The following PDE4D variants were observed in gnomAD, a reference collection of about 807,000 sequenced individuals.
The protein encoded by PDE4D is 3',5'-cyclic-AMP phosphodiesterase 4D.
PDE4D carries 24 observed loss-of-function variants against 87.4 expected under a neutral mutation model. The observed-to-expected ratio is 0.27, with a 90% confidence interval of 0.20 to 0.39. The LOEUF is 0.39. PDE4D is among the 10% of genes least tolerant of loss of function. The pLI is 1.00. For synonymous variants in PDE4D, 384 were observed against 383.2 expected, an observed-to-expected ratio of 1.00 and a Z score of -0.02; for missense variants, 714 against 1,041.0, an observed-to-expected ratio of 0.69 and a Z score of 4.32.
At chr5:60,191,844 T>C (rs1195729540) in intron 1 of PDE4D, among the ~76,000 whole-genome samples, 1 of 151,254 alleles carries the variant, frequency 6.6e-6, no homozygotes, top group Non-Finnish European at 1.5e-5. Context: ...TAAAAAAAAA[T>C]ACAAAAATTA....
chr5:59,532,776 C>T (rs1040294395), intron 1 of PDE4D, among the ~76,000 whole-genome samples: 2 of 152,108 alleles, frequency 1.3e-5, no homozygotes, highest in African/African-American at 4.8e-5. Context: ...ATGGCAGTAG[C>T]CTTCTTTGGT....
intron 1 of PDE4D, among the ~76,000 whole-genome samples, chr5:60,202,706 T>C (rs1342448497): frequency 8.6e-5 from 13 of 151,652 alleles, no homozygotes; most frequent in African/African-American, 2.9e-4. Flanking sequence ...AAATCAACCA[T>C]GCGAGAAAAC....
intron 1 of PDE4D, among the ~76,000 whole-genome samples, chr5:59,507,227 G>A (rs1336525573): frequency 6.6e-6 from 1 of 152,110 alleles, no homozygotes; most frequent in African/African-American, 2.4e-5. Context: ...AACTACTTAG[G>A]AGGCTGAGGC....
At chr5:59,614,089 T>C (rs1829356692) in intron 1 of PDE4D, among the ~76,000 whole-genome samples, 1 of 152,190 alleles carries the variant, frequency 6.6e-6, no homozygotes, top group South Asian at 2.1e-4. Context: ...CCATATATTA[T>C]ATAAGTTGAA....
chr5:59,357,479 C>T (rs186178200), intron 1 of PDE4D, among the ~76,000 whole-genome samples: 2 of 152,216 alleles, frequency 1.3e-5, no homozygotes, highest in Non-Finnish European at 2.9e-5. Flanking sequence ...CAGCGCCTCT[C>T]TAAAAGTCAG....
At chr5:59,462,010 T>C (rs954205831) in intron 1 of PDE4D, among the ~76,000 whole-genome samples, 1 of 152,174 alleles carries the variant, frequency 6.6e-6, no homozygotes, top group Non-Finnish European at 1.5e-5. Flanking sequence ...AAACTCTCAT[T>C]CTTAAGAAGT....
chr5:59,326,219 T>C (rs1427596400), intron 1 of PDE4D, among the ~76,000 whole-genome samples: 1 of 152,106 alleles, frequency 6.6e-6, no homozygotes, highest in African/African-American at 2.4e-5. Context: ...TATACATATG[T>C]AACAAACCTG....
At chr5:59,942,728 A>G (rs759528933) in intron 3 of PDE4D, among the ~76,000 whole-genome samples, 3 of 152,100 alleles carry the variant, frequency 2.0e-5, no homozygotes, top group Non-Finnish European at 4.4e-5. Context: ...GAGACAGACT[A>G]GAATAGGATC....
chr5:60,397,382 A>C (rs765189634), intron 1 of PDE4D, among the ~76,000 whole-genome samples: 7 of 152,238 alleles, frequency 4.6e-5, no homozygotes, highest in Non-Finnish European at 8.8e-5. Flanking sequence ...AAGATATGGA[A>C]TCAACCTAAG....
intron 5 of PDE4D, among the ~76,000 whole-genome samples, chr5:59,115,620 G>C (rs541640467): frequency 1.1e-4 from 16 of 152,298 alleles, no homozygotes; most frequent in Non-Finnish European, 2.1e-4. Flanking sequence ...TGAGTGCTTA[G>C]AGACCTCCTT....
intron 1 of PDE4D, among the ~76,000 whole-genome samples, chr5:60,450,966 CAT>C (rs764290322): frequency 6.6e-4 from 101 of 152,200 alleles, no homozygotes; most frequent in Non-Finnish European, 9.0e-4. Context: ...AAGCAAAAAT[CAT>C]AAAAATAAAT....
chr5:60,061,045 A>T (rs1255402187), intron 2 of PDE4D, among the ~76,000 whole-genome samples: 3 of 151,980 alleles, frequency 2.0e-5, no homozygotes, highest in Non-Finnish European at 2.9e-5. Flanking sequence ...CTCTCTCTCC[A>T]CTCCTATTCA....
intron 6 of PDE4D, among the ~76,000 whole-genome samples, chr5:59,015,878 T>A (rs1406076222): frequency 6.6e-6 from 1 of 152,192 alleles, no homozygotes; most frequent in Non-Finnish European, 1.5e-5. Context: ...CCAACCCAAA[T>A]GTCCACCAAT....
intron 1 of PDE4D, among the ~76,000 whole-genome samples, chr5:60,356,544 T>C (rs893879647): frequency 2.0e-5 from 3 of 152,182 alleles, no homozygotes; most frequent in Non-Finnish European, 4.4e-5. Flanking sequence ...CACCAATATC[T>C]ACCTATGATT....
At position 60,108,113 on chromosome 5, in the gene PDE4D, T is replaced by A. The variant is rs569231287; in HGVS notation, c.42+77444A>T. ...ATGATTGTATATCTAGAAAACCCCA[T>A]CGTCTCAGCCCAAAATCTCCTTAAG... On this transcript the variant is annotated intron_variant, in intron 2 of 16. Coordinates refer to the PDE4D transcript ENST00000502484. Among the ~76,000 whole-genome samples the A allele has an allele frequency of 1.8e-3, 270 of 151,856 alleles. 1 individual carries two copies. Among genetic ancestry groups the A allele is most frequent in the Middle Eastern group, 0.01 (3 of 292 alleles).
chr5:60,484,286 C>T (rs1467829422), intron 1 of PDE4D, among the ~76,000 whole-genome samples: 1 of 151,638 alleles, frequency 6.6e-6, no homozygotes, highest in Non-Finnish European at 1.5e-5. Context: ...TCGTCATTGG[C>T]AGCTCCAAAT....
rs1380900645 is a variant in PDE4D at position 58,972,861 on chromosome 5, T to TAACC, written c.*1799_*1802dup. Reference sequence around the variant, plus strand: ...CAAGAGTGATCTCTAATTTTTTATTTAACCAGAATTTTTACCAATATAATA... The same window carrying TAACC: ...CAAGAGTGATCTCTAATTTTTTATTTAACCAACCAGAATTTTTACCAATATAATA... On this transcript the variant is annotated 3_prime_UTR_variant, in exon 15 of 15. Coordinates refer to ENST00000340635, the MANE Select transcript of PDE4D (RefSeq NM_001104631.2). 6.6e-6 allele frequency: 1 copy of TAACC among 150,844 alleles called. No individual in the cohort carries two copies. The highest frequency in any genetic ancestry group is 2.4e-5 in the African/African-American group (1 of 41,124). 9.3% of individuals were successfully genotyped at this position (150,844 alleles called of 1,614,324 possible).
chr5:60,283,013 A>C (rs148969374), intron 1 of PDE4D, among the ~76,000 whole-genome samples: 1 of 152,226 alleles, frequency 6.6e-6, no homozygotes, highest in East Asian at 1.9e-4. Flanking sequence ...AGTGTTCTAA[A>C]ATGTTGATGC....
chr5:59,693,725 T>C (rs1484999143), intron 1 of PDE4D, among the ~76,000 whole-genome samples: 1 of 152,168 alleles, frequency 6.6e-6, no homozygotes, highest in Non-Finnish European at 1.5e-5. Context: ...ACTTGTTGAA[T>C]ACGAATGACT....
Sources: allele counts gnomAD v4.1 joint callset (sites outside exome capture counted in the v4.1 genomes callset), GRCh38; gene constraint gnomAD v4.1.1; transcripts MANE v1.5; gene names NCBI Gene and HGNC (gene_info 2026-07-23, HGNC 2026-07-21).